The following MS4A15 variants were observed in gnomAD, a reference collection of about 807,000 sequenced individuals.
MS4A15 encodes membrane-spanning 4-domains subfamily A member 15.
A neutral mutation model predicts 20.6 loss-of-function variants in MS4A15; 22 were observed. The observed-to-expected ratio is 1.07, with a 90% CI of 0.76 to 1.52. MS4A15 has a LOEUF of 1.52. Among genes scored for constraint, MS4A15 ranks in the 40% most tolerant of loss-of-function variants. The probability of loss-of-function intolerance (pLI) is 0.00; values close to 1 mark genes in which losing one functional copy is unlikely to be tolerated. For missense variants in MS4A15, 312 were observed against 323.0 expected (o/e 0.97, Z 0.26); for synonymous variants, 129 against 129.3 (o/e 1.00, Z 0.02).
chr11:60,775,623 A>C lies in MS4A15; in HGVS notation c.631A>C (p.Asn211His). The change falls in exon 7 of 7, where the codon AAC (asparagine) becomes CAC (histidine). Residue 211 changes from asparagine (N) to histidine (H), a missense_variant. By Grantham distance (68) the Asn-to-His change is moderately conservative. Transcript: ENST00000405633. The part of the protein sequence containing the change: ...QASAPVIFLP[N>H]AFSADFNIPS... The stretch of plus-strand genomic sequence containing the variant: ...TTTGCAGCCTGTGATCTTCCTGCCA[A>C]ACGCCTTCAGCGCAGACTTCAACAT... 1 of 1,613,872 alleles carries C rather than the reference A, an allele frequency of 6.2e-7. No homozygotes were observed. The highest frequency in any genetic ancestry group is 1.1e-5 in the South Asian group (1 of 91,070).
chr11:60,772,490 TCA>T (rs1222978762), intron 4 of MS4A15, among the ~76,000 whole-genome samples: 1 of 152,182 alleles, frequency 6.6e-6, no homozygotes, highest in Non-Finnish European at 1.5e-5. Flanking sequence ...TCTCCTGGAC[TCA>T]CAGCACTTTG....
At chr11:60,771,183 A>G in intron 3 of MS4A15, 108 bp from the exon 4 acceptor site, 1 of 1,282,296 alleles carries the variant, frequency 7.8e-7, no homozygotes, top group South Asian at 1.3e-5. Flanking sequence ...AGAAAGTGGC[A>G]TCAGGAGGCT....
At chr11:60,764,954 G>C (rs1441645424) in intron 2 of MS4A15, among the ~76,000 whole-genome samples, 1 of 152,080 alleles carries the variant, frequency 6.6e-6, no homozygotes. Flanking sequence ...AAATTTAGCA[G>C]AGTTTATGTG....
intron 1 of MS4A15, among the ~76,000 whole-genome samples, chr11:60,763,087 C>T (rs749563747): frequency 6.6e-6 from 1 of 152,206 alleles, no homozygotes; most frequent in Non-Finnish European, 1.5e-5. Flanking sequence ...TCGAGGCCCA[C>T]TCAGCTGGAA....
At chr11:60,759,633 C>A (rs1162510884) in intron 1 of MS4A15, among the ~76,000 whole-genome samples, 1 of 152,060 alleles carries the variant, frequency 6.6e-6, no homozygotes, top group Non-Finnish European at 1.5e-5. Flanking sequence ...TGGAATGTCT[C>A]GGTGTAAAGC....
At chr11:60,764,556 T>C (rs1425183181) in intron 2 of MS4A15, among the ~76,000 whole-genome samples, 2 of 152,030 alleles carry the variant, frequency 1.3e-5, no homozygotes, top group East Asian at 3.8e-4. Flanking sequence ...AAATATTAGG[T>C]AGAGATAGAA....
chr11:60,774,931 G>T (rs1205964358), intron 6 of MS4A15, among the ~76,000 whole-genome samples: 1 of 152,210 alleles, frequency 6.6e-6, no homozygotes, highest in Non-Finnish European at 1.5e-5. Context: ...GGACAAGCGG[G>T]GCTCGAGGCC....
At chr11:60,762,025 G>A (rs1853756407) in intron 1 of MS4A15, among the ~76,000 whole-genome samples, 1 of 152,184 alleles carries the variant, frequency 6.6e-6, no homozygotes, top group African/African-American at 2.4e-5. Context: ...CAACCCTGCA[G>A]CTGTTTAGAA....
chr11:60,772,968 A>G (rs572961110), intron 4 of MS4A15, among the ~76,000 whole-genome samples: 20 of 152,170 alleles, frequency 1.3e-4, no homozygotes, highest in Non-Finnish European at 2.8e-4. Flanking sequence ...CCCCTCTCCC[A>G]ACCAGGCCTC....
intron 2 of MS4A15, 66 bp downstream of exon 2, chr11:60,764,024 C>A: frequency 1.4e-6 from 2 of 1,430,446 alleles, no homozygotes; most frequent in Non-Finnish European, 1.9e-6. Context: ...AACATTCATG[C>A]ATGTTTTGGA....
intron 3 of MS4A15, among the ~76,000 whole-genome samples, chr11:60,769,417 G>A (rs1853972183): frequency 6.6e-6 from 1 of 152,190 alleles, no homozygotes; most frequent in Admixed American, 6.5e-5. Flanking sequence ...TGACTTGGAA[G>A]GAAAGAGGCA....
intron 6 of MS4A15, among the ~76,000 whole-genome samples, chr11:60,774,476 C>T (rs571760925): frequency 1.0e-3 from 158 of 152,262 alleles, no homozygotes; most frequent in African/African-American, 3.3e-3. Flanking sequence ...CTGCTCTCCC[C>T]GTGGCACTGG....
intron 4 of MS4A15, among the ~76,000 whole-genome samples, chr11:60,772,042 GC>G (rs1854057966): frequency 6.6e-6 from 1 of 152,174 alleles, no homozygotes; most frequent in Admixed American, 6.6e-5. Flanking sequence ...CATGAGAAGT[GC>G]TGAAAGGAAG....
chr11:60,771,609 G>A, intron 4 of MS4A15: 1 of 1,490,652 alleles, frequency 6.7e-7, no homozygotes, highest in Non-Finnish European at 8.9e-7. Context: ...AGAAAGGAAA[G>A]ATGCTAGAAG....
At chr11:60,760,741 AG>A (rs2134700410) in intron 1 of MS4A15, among the ~76,000 whole-genome samples, 1 of 152,340 alleles carries the variant, frequency 6.6e-6, no homozygotes, top group South Asian at 2.1e-4. Flanking sequence ...AAACTCGTAA[AG>A]TATATCTTAA....
chr11:60,761,482 C>G (rs1444459978), intron 1 of MS4A15, among the ~76,000 whole-genome samples: 4 of 152,144 alleles, frequency 2.6e-5, no homozygotes, highest in African/African-American at 4.8e-5. Flanking sequence ...ATCCAGACAG[C>G]CTGCGCCATG....
intron 4 of MS4A15, among the ~76,000 whole-genome samples, chr11:60,772,442 G>A (rs1310657951): frequency 6.6e-6 from 1 of 152,120 alleles, no homozygotes; most frequent in Non-Finnish European, 1.5e-5. Context: ...AGTGTCCCCC[G>A]GGCTGTGAGC....
intron 5 of MS4A15, 52 bp from the exon 6 acceptor site, chr11:60,773,785 C>A: frequency 1.3e-6 from 2 of 1,499,272 alleles, no homozygotes; most frequent in Non-Finnish European, 1.9e-6. Context: ...ACTCGGGGGA[C>A]CCCCTTACTC....
intron 2 of MS4A15, among the ~76,000 whole-genome samples, chr11:60,765,711 A>G (rs1853867250): frequency 6.6e-6 from 1 of 152,082 alleles, no homozygotes; most frequent in East Asian, 1.9e-4. Flanking sequence ...TGGCTCAATC[A>G]TGCTGGAATT....
Sources: allele counts gnomAD v4.1 joint callset (sites outside exome capture counted in the v4.1 genomes callset), GRCh38; gene constraint gnomAD v4.1.1; transcripts MANE v1.5; gene names NCBI Gene and HGNC (gene_info 2026-07-23, HGNC 2026-07-21).